Variants in COL11A1 observed in about 807,000 individuals in gnomAD.
The protein encoded by COL11A1 is collagen alpha-1(XI) chain.
In COL11A1, 74 loss-of-function variants were observed where a neutral mutation model predicts 265.2. The ratio of observed to expected loss-of-function variants is 0.28; its 90% CI spans 0.23 to 0.34. The LOEUF is 0.34. Among genes scored for constraint, COL11A1 ranks in the 10% least tolerant of loss-of-function variants. The pLI is 1.00. For synonymous variants in COL11A1, 816 were observed against 727.6 expected (o/e 1.12, Z -1.96); for missense variants, 2,165 against 2,263.6 (o/e 0.96, Z 0.88).
chr1:102,951,629 A>T (rs1336892637), intron 41 of COL11A1, among the ~76,000 whole-genome samples: 1 of 151,970 alleles, frequency 6.6e-6, no homozygotes, highest in Non-Finnish European at 1.5e-5. Context: ...AGTCCCAGCT[A>T]CTCGGGAGGC....
chr1:103,071,309 TA>T (rs1170051789), intron 4 of COL11A1, among the ~76,000 whole-genome samples: 1 of 151,922 alleles, frequency 6.6e-6, no homozygotes, highest in Non-Finnish European at 1.5e-5. Flanking sequence ...TATAACTTGC[TA>T]TTTAATAAGG....
At chr1:103,089,407 G>A (rs1304650903) in intron 1 of COL11A1, among the ~76,000 whole-genome samples, 3 of 152,052 alleles carry the variant, frequency 2.0e-5, no homozygotes, top group East Asian at 1.9e-4. Flanking sequence ...TATTTTGTTC[G>A]CTTGCTTAAT....
chr1:103,103,742 G>A (rs180741981), intron 1 of COL11A1, among the ~76,000 whole-genome samples: 260 of 54,678 alleles, frequency 4.8e-3, no homozygotes, highest in African/African-American at 7.1e-3. Context: ...TGTAATAGTT[G>A]TTGATTGCAC....
intron 49 of COL11A1, 48 bp from the exon 50 acceptor site, chr1:102,915,732 T>C (rs943526685): frequency 1.4e-6 from 2 of 1,390,306 alleles, no homozygotes; most frequent in East Asian, 2.3e-5. Context: ...GATGATCTTT[T>C]ACATTTATAA....
intron 41 of COL11A1, among the ~76,000 whole-genome samples, chr1:102,958,884 T>C (rs1400756356): frequency 1.3e-5 from 2 of 152,192 alleles, no homozygotes; most frequent in African/African-American, 4.8e-5. Context: ...AAAATTGCTC[T>C]AGGCATGGAA....
At chr1:103,071,494 T>G (rs1220583496) in intron 4 of COL11A1, among the ~76,000 whole-genome samples, 2 of 135,074 alleles carry the variant, frequency 1.5e-5, no homozygotes, top group African/African-American at 3.1e-5. Flanking sequence ...TTTTTTTTTT[T>G]GCCTGCATGG....
At chr1:103,067,821 T>C (rs1671268408) in intron 4 of COL11A1, among the ~76,000 whole-genome samples, 1 of 151,744 alleles carries the variant, frequency 6.6e-6, no homozygotes, top group South Asian at 2.1e-4. Context: ...TACAAACAGC[T>C]TTATATGAAC....
Position 102,917,019 on chromosome 1 carries a change from T to C in COL11A1, c.3763-1335A>G, listed in dbSNP as rs981720114. On this transcript the variant is annotated intron_variant, in intron 49 of 66. Coordinates refer to ENST00000370096, the MANE Select transcript of COL11A1 (RefSeq NM_001854.4). The stretch of plus-strand genomic sequence containing the variant: ...AAATATGATAAGTCTATTGAGCATG[T>C]ACATTGAACATGCCATTTTTCATAT... Among the ~76,000 whole-genome samples the C allele has an allele frequency of 4.0e-5, 6 of 151,778 alleles. No individual in the cohort carries two copies. In the East Asian group the frequency reaches 9.6e-4, roughly 24 times the overall value.
intron 36 of COL11A1, 25 bp downstream of exon 36, chr1:102,974,805 G>C: frequency 1.3e-6 from 2 of 1,591,822 alleles, no homozygotes; most frequent in Non-Finnish European, 1.7e-6. Context: ...AATGAAGAAA[G>C]AGAAAGAGAA....
chr1:103,051,011 A>G (rs1571157763), intron 4 of COL11A1, among the ~76,000 whole-genome samples: 1 of 152,108 alleles, frequency 6.6e-6, no homozygotes, highest in Non-Finnish European at 1.5e-5. Context: ...GTCTGCCCCT[A>G]CTGGGGGATG....
intron 3 of COL11A1, among the ~76,000 whole-genome samples, chr1:103,077,457 A>G (rs1240166390): frequency 6.6e-6 from 1 of 152,124 alleles, no homozygotes; most frequent in Non-Finnish European, 1.5e-5. Flanking sequence ...TAACAGTCAA[A>G]AAAAGAAACA....
At chr1:103,103,512 C>T (rs1468497948) in intron 1 of COL11A1, among the ~76,000 whole-genome samples, 1 of 151,852 alleles carries the variant, frequency 6.6e-6, no homozygotes, top group Non-Finnish European at 1.5e-5. Flanking sequence ...TACCTTTCTT[C>T]AAAGGTAGTA....
intron 24 of COL11A1, among the ~76,000 whole-genome samples, chr1:103,000,639 A>G (rs992058454): frequency 1.3e-5 from 2 of 151,988 alleles, no homozygotes; most frequent in Non-Finnish European, 2.9e-5. Flanking sequence ...AGAAATGACT[A>G]TCCTCATACA....
chr1:102,941,470 A>C (rs889604642), intron 42 of COL11A1, among the ~76,000 whole-genome samples: 3 of 152,184 alleles, frequency 2.0e-5, no homozygotes, highest in African/African-American at 7.2e-5. Context: ...AGGGCAGCCT[A>C]CCATGATCTA....
At chr1:103,009,159 A>T (rs1665901089) in intron 14 of COL11A1, among the ~76,000 whole-genome samples, 1 of 152,216 alleles carries the variant, frequency 6.6e-6, no homozygotes, top group Non-Finnish European at 1.5e-5. Flanking sequence ...CACGCCTGTA[A>T]TCCCAGCACT....
intron 7 of COL11A1, 102 bp from the exon 8 acceptor site, chr1:103,023,098 A>G (rs1667234985): frequency 8.1e-7 from 1 of 1,238,706 alleles, no homozygotes; most frequent in South Asian, 1.2e-5. Flanking sequence ...ATGGGATGCG[A>G]TTTTGTTACT....
intron 64 of COL11A1, among the ~76,000 whole-genome samples, chr1:102,882,543 T>G (rs1288619706): frequency 6.6e-6 from 1 of 152,142 alleles, no homozygotes; most frequent in Non-Finnish European, 1.5e-5. Flanking sequence ...TGTTTTGCCT[T>G]AAGGAGTTTC....
At chr1:103,066,470 G>C (rs1671155385) in intron 4 of COL11A1, among the ~76,000 whole-genome samples, 1 of 145,004 alleles carries the variant, frequency 6.9e-6, no homozygotes, top group Admixed American at 7.0e-5. Context: ...ATTATAAAAA[G>C]TATTTCTTAA....
chr1:102,905,317 T>C (rs1371015136), intron 54 of COL11A1, among the ~76,000 whole-genome samples: 10 of 150,826 alleles, frequency 6.6e-5, no homozygotes, highest in Non-Finnish European at 8.8e-5. Context: ...GGCACATGTA[T>C]ACATATGTAA....
Sources: allele counts gnomAD v4.1 joint callset (sites outside exome capture counted in the v4.1 genomes callset), GRCh38; gene constraint gnomAD v4.1.1; transcripts MANE v1.5; gene names NCBI Gene and HGNC (gene_info 2026-07-23, HGNC 2026-07-21).